Variants in OLA1 observed in about 807,000 individuals in gnomAD.
OLA1 encodes the protein obg-like ATPase 1.
Under a neutral mutation model 48.4 loss-of-function variants are expected in OLA1, and 14 were observed. The observed-to-expected ratio is 0.29, with a 90% CI of 0.19 to 0.45. The LOEUF (loss-of-function observed/expected upper bound fraction) is 0.45. Ranked by LOEUF, OLA1 falls within the 20% of genes least tolerant of loss-of-function variation. OLA1 has a pLI of 1.00. For synonymous variants in OLA1, 127 were observed against 150.4 expected, an observed-to-expected ratio of 0.84 and a Z score of 1.14; for missense variants, 325 against 467.1, an observed-to-expected ratio of 0.70 and a Z score of 2.80.
rs1288138313 is a variant in OLA1, at chr2:174,075,256, G to GC, written c.*169_*170insG. On this transcript the variant is annotated 3_prime_UTR_variant, in exon 11 of 11. Transcript: ENST00000284719. ...CATTTAGTGAACCTGCATTTCATGG[G>GC]GGGGGGGGGGTACACAGTATTTTAA... is the stretch of plus-strand genomic sequence containing the variant. The GC allele has an allele frequency of 5.4e-6, 2 of 373,806 alleles. No individual in the cohort carries two copies. Among genetic ancestry groups the GC allele is most frequent in the African/African-American group, 3.0e-5 (1 of 33,602 alleles). The allele number at this position is 373,806 out of a possible 1,614,324, so 23.2% of individuals were successfully genotyped here. A position where few individuals can be genotyped will look rare whatever the true frequency, so the allele number is the denominator to read the frequency against.
At chr2:174,109,807 T>C (rs867553913) in intron 7 of OLA1, among the ~76,000 whole-genome samples, 15 of 152,178 alleles carry the variant, frequency 9.9e-5, no homozygotes, top group Admixed American at 2.0e-4. Flanking sequence ...TCCTAAAACA[T>C]GATGAGAGTT....
chr2:174,161,752 T>C (rs1687019239), intron 4 of OLA1, among the ~76,000 whole-genome samples: 1 of 150,890 alleles, frequency 6.6e-6, no homozygotes, highest in Non-Finnish European at 1.5e-5. Flanking sequence ...ATTTGCACCC[T>C]GCATATTCTC....
intron 4 of OLA1, among the ~76,000 whole-genome samples, chr2:174,161,017 T>C (rs1333051126): frequency 6.6e-6 from 1 of 152,230 alleles, no homozygotes. Context: ...CAGCACCTCT[T>C]GGTAATGGTG....
intron 4 of OLA1, among the ~76,000 whole-genome samples, chr2:174,156,073 T>C (rs977308317): frequency 9.9e-5 from 15 of 152,152 alleles, no homozygotes; most frequent in African/African-American, 3.6e-4. Flanking sequence ...TGATAATGTA[T>C]GTAAACAGCT....
chr2:174,080,222 C>T (rs968049861), intron 9 of OLA1, among the ~76,000 whole-genome samples: 2 of 152,024 alleles, frequency 1.3e-5, no homozygotes, highest in Admixed American at 6.6e-5. Flanking sequence ...TTAACTGCCT[C>T]CATGTTTCTA....
chr2:174,112,841 TG>T, intron 7 of OLA1, among the ~76,000 whole-genome samples: 1 of 152,212 alleles, frequency 6.6e-6, no homozygotes, highest in East Asian at 1.9e-4. Context: ...ACCTAGTCTG[TG>T]GTATCTGTTA....
At chr2:174,217,156 C>T (rs1364533615) in intron 4 of OLA1, among the ~76,000 whole-genome samples, 2 of 152,130 alleles carry the variant, frequency 1.3e-5, no homozygotes, top group Non-Finnish European at 2.9e-5. Context: ...GAAATAATTT[C>T]ACTACAATTG....
At chr2:174,197,714 C>T (rs1687909612) in intron 4 of OLA1, among the ~76,000 whole-genome samples, 1 of 152,108 alleles carries the variant, frequency 6.6e-6, no homozygotes, top group Non-Finnish European at 1.5e-5. Flanking sequence ...AATTAAGCTA[C>T]TAAGAAATGA....
intron 4 of OLA1, among the ~76,000 whole-genome samples, chr2:174,188,371 A>AAATAATAATAATAATAAT (rs34087383): frequency 5.4e-5 from 8 of 149,330 alleles, no homozygotes; most frequent in Admixed American, 2.0e-4. Flanking sequence ...TTCCTCCTAA[A>AAATAATAATAATAATAAT]AATAATAATA....
intron 9 of OLA1, chr2:174,080,868 T>C (rs1229753780): frequency 6.5e-6 from 2 of 306,800 alleles, no homozygotes; most frequent in African/African-American, 2.2e-5. Context: ...GCAAGCACAA[T>C]ACTGGTGCGT....
chr2:174,205,807 A>G (rs1688100217), intron 4 of OLA1, among the ~76,000 whole-genome samples: 2 of 152,300 alleles, frequency 1.3e-5, no homozygotes, highest in African/African-American at 4.8e-5. Context: ...AGGCACATGG[A>G]CAGTCTGGGG....
In OLA1 at chr2:174,121,527, C is replaced by G. The variant is rs548658915; in HGVS notation, c.728+1653G>C. Among the ~76,000 whole-genome samples, 9 of 152,198 alleles carry G rather than the reference C, an allele frequency of 5.9e-5. No individual in the cohort carries two copies. In the East Asian group the frequency reaches 1.7e-3, roughly 29 times the overall value. Reference sequence around the variant, plus strand: ...TCTGGATCCCTCCCAACCCTCCCCCCAAGACATACACACACCAACCCCAAG... The same window carrying G: ...TCTGGATCCCTCCCAACCCTCCCCCGAAGACATACACACACCAACCCCAAG... On this transcript the variant is annotated intron_variant, in intron 7 of 10. Coordinates refer to ENST00000284719, the MANE Select transcript of OLA1 (RefSeq NM_013341.5).
At chr2:174,102,185 C>A (rs529489754) in intron 7 of OLA1, among the ~76,000 whole-genome samples, 1 of 152,068 alleles carries the variant, frequency 6.6e-6, no homozygotes, top group African/African-American at 2.4e-5. Flanking sequence ...GCACGCTGGA[C>A]AACTGTCAGG....
chr2:174,101,279 G>A (rs1685391566), intron 7 of OLA1, among the ~76,000 whole-genome samples: 1 of 152,122 alleles, frequency 6.6e-6, no homozygotes, highest in Admixed American at 6.5e-5. Flanking sequence ...AAGATGCTGA[G>A]TACTTTTCCA....
chr2:174,236,279 A>T (rs990644003), intron 2 of OLA1, among the ~76,000 whole-genome samples: 1 of 152,174 alleles, frequency 6.6e-6, no homozygotes, highest in Non-Finnish European at 1.5e-5. Context: ...AAATCTTTTA[A>T]AATTTTTCTT....
At chr2:174,223,663 C>T (rs915522385) in intron 3 of OLA1, among the ~76,000 whole-genome samples, 6 of 147,686 alleles carry the variant, frequency 4.1e-5, no homozygotes, top group Non-Finnish European at 7.4e-5. Flanking sequence ...AGAGGAGTTA[C>T]GAAATCTATT....
intron 4 of OLA1, among the ~76,000 whole-genome samples, chr2:174,215,786 C>T (rs1342793424): frequency 6.6e-6 from 1 of 152,110 alleles, no homozygotes; most frequent in East Asian, 1.9e-4. Flanking sequence ...TAATTGTAGT[C>T]CATATTGTAC....
intron 7 of OLA1, among the ~76,000 whole-genome samples, chr2:174,089,901 CA>C (rs549770214): frequency 0.026 from 1,413 of 53,496 alleles, 20 homozygotes; most frequent in Middle Eastern, 0.12. Flanking sequence ...GACCCTGTCT[CA>C]AAAAAAAAAA....
chr2:174,082,899 T>C lies in OLA1; in HGVS notation c.729-835A>G, dbSNP rs975237356. Among the ~76,000 whole-genome samples, 10 of 152,234 alleles carry C rather than the reference T, an allele frequency of 6.6e-5. 1 individual carries two copies. The highest frequency in any genetic ancestry group is 2.2e-4 in the African/African-American group (9 of 41,556). ...ATTAATTAGGTTCAGAGCCTAACAC[T>C]TTCCTAGCTTTTTATTACTGGGCAG... is the stretch of plus-strand genomic sequence containing the variant. On this transcript the variant is annotated intron_variant, in intron 7 of 10. Coordinates refer to ENST00000284719, the MANE Select transcript of OLA1 (RefSeq NM_013341.5).
Sources: gnomAD v4.1 joint callset for allele counts (sites outside exome capture counted in the v4.1 genomes callset) on GRCh38, gnomAD v4.1.1 for gene constraint, MANE v1.5 for transcripts, NCBI Gene and HGNC (gene_info 2026-07-23, HGNC 2026-07-21) for gene names.